The following SNX13 variants were observed in gnomAD, a reference collection of about 807,000 sequenced individuals.
SNX13 encodes the protein sorting nexin-13.
In SNX13, 45 loss-of-function variants were observed where a neutral mutation model predicts 133.6. The observed-to-expected ratio is 0.34, with a 90% CI of 0.27 to 0.43. The LOEUF (loss-of-function observed/expected upper bound fraction) is 0.43, where lower values mean the gene tolerates loss of function less well. Ranked by LOEUF, SNX13 falls within the 20% of genes least tolerant of loss-of-function variation. SNX13 has a pLI of 1.00. For synonymous variants in SNX13, 414 were observed against 373.9 expected (o/e 1.11, Z -1.24); for missense variants, 1,032 against 1,145.1 (o/e 0.90, Z 1.43).
intron 24 of SNX13, among the ~76,000 whole-genome samples, chr7:17,797,214 G>C (rs1295974256): frequency 1.3e-5 from 2 of 151,800 alleles, no homozygotes; most frequent in East Asian, 3.9e-4. Flanking sequence ...AATGGAATAT[G>C]TACATGACTA....
chr7:17,939,770 G>T (rs1298484804), intron 1 of SNX13, among the ~76,000 whole-genome samples: 2 of 152,204 alleles, frequency 1.3e-5, no homozygotes, highest in African/African-American at 4.8e-5. Flanking sequence ...TGCAGCTTGA[G>T]ATAAAAAAGT....
At chr7:17,901,845 T>C (rs757714421) in intron 1 of SNX13, among the ~76,000 whole-genome samples, 2 of 152,236 alleles carry the variant, frequency 1.3e-5, no homozygotes, top group Non-Finnish European at 2.9e-5. Flanking sequence ...GTTGTTCCTG[T>C]GGAGAGGACA....
At chr7:17,904,051 C>T (rs1358917176) in intron 1 of SNX13, among the ~76,000 whole-genome samples, 5 of 151,974 alleles carry the variant, frequency 3.3e-5, no homozygotes, top group African/African-American at 1.2e-4. Context: ...TAAGAAATGG[C>T]AATGCAAAAA....
At chr7:17,905,624 A>C (rs1040129069) in intron 1 of SNX13, among the ~76,000 whole-genome samples, 2 of 152,230 alleles carry the variant, frequency 1.3e-5, no homozygotes, top group African/African-American at 2.4e-5. Flanking sequence ...TTATATGCTA[A>C]AGTTTTGGTA....
At chr7:17,821,768 G>T in intron 17 of SNX13, 120 bp from the exon 18 acceptor site, 1 of 1,144,774 alleles carries the variant, frequency 8.7e-7, no homozygotes, top group Non-Finnish European at 1.2e-6. Context: ...ATGAAATGAA[G>T]AAGAATCTGA....
intron 3 of SNX13, 110 bp from the exon 4 acceptor site, chr7:17,891,745 T>C: frequency 3.1e-6 from 2 of 651,946 alleles, no homozygotes; most frequent in Non-Finnish European, 5.1e-6. Context: ...CTCAAGTAAA[T>C]AAATAACCTT....
intron 1 of SNX13, among the ~76,000 whole-genome samples, chr7:17,907,017 T>C (rs995875543): frequency 6.6e-6 from 1 of 152,178 alleles, no homozygotes; most frequent in Non-Finnish European, 1.5e-5. Flanking sequence ...TTGGTTATGT[T>C]CTTGGGGCGA....
chr7:17,911,314 GCAA>G (rs1231440928), intron 1 of SNX13, among the ~76,000 whole-genome samples: 1 of 152,136 alleles, frequency 6.6e-6, no homozygotes, highest in East Asian at 1.9e-4. Context: ...AACGTTCTCA[GCAA>G]CAGTTTTTCA....
chr7:17,934,694 A>G (rs764091507), intron 1 of SNX13, among the ~76,000 whole-genome samples: 1 of 152,234 alleles, frequency 6.6e-6, no homozygotes, highest in Non-Finnish European at 1.5e-5. Flanking sequence ...CAATTTCAAG[A>G]AAATAACCAT....
intron 1 of SNX13, among the ~76,000 whole-genome samples, chr7:17,915,566 C>G (rs1003392255): frequency 2.0e-5 from 3 of 152,124 alleles, no homozygotes; most frequent in African/African-American, 4.8e-5. Context: ...GTGGAGCAGC[C>G]CAACAGGTGA....
chr7:17,924,199 C>G (rs1287657072), intron 1 of SNX13, among the ~76,000 whole-genome samples: 1 of 152,078 alleles, frequency 6.6e-6, no homozygotes, highest in East Asian at 1.9e-4. Context: ...AAAGCTGTCC[C>G]ATAAATGGGA....
intron 20 of SNX13, among the ~76,000 whole-genome samples, chr7:17,808,075 T>C (rs1785530291): frequency 6.6e-6 from 1 of 152,266 alleles, no homozygotes; most frequent in Non-Finnish European, 1.5e-5. Context: ...AACTCCTTGC[T>C]AGCAAAGGAA....
intron 1 of SNX13, among the ~76,000 whole-genome samples, chr7:17,911,695 A>G (rs569406639): frequency 6.6e-6 from 1 of 152,128 alleles, no homozygotes; most frequent in Admixed American, 6.6e-5. Flanking sequence ...TTACTTAAAA[A>G]TTGATGTAAG....
chr7:17,832,427 C>A (rs542681576), intron 15 of SNX13: 1 of 984,448 alleles, frequency 1.0e-6, no homozygotes, highest in South Asian at 4.7e-5. Flanking sequence ...GAAGCCCACA[C>A]AATTATTTGG....
intron 13 of SNX13, among the ~76,000 whole-genome samples, chr7:17,837,519 G>T (rs1044776157): frequency 6.6e-6 from 1 of 151,940 alleles, no homozygotes; most frequent in African/African-American, 2.4e-5. Context: ...TAAATGTGTA[G>T]AAATTTGATT....
At chr7:17,846,469 C>A (rs1378065501) in intron 11 of SNX13, among the ~76,000 whole-genome samples, 2 of 152,098 alleles carry the variant, frequency 1.3e-5, no homozygotes, top group African/African-American at 4.8e-5. Flanking sequence ...ATGCTGCTGC[C>A]CTTTCCAATA....
At chr7:17,905,348 G>C (rs1254227634) in intron 1 of SNX13, among the ~76,000 whole-genome samples, 1 of 152,196 alleles carries the variant, frequency 6.6e-6, no homozygotes, top group Non-Finnish European at 1.5e-5. Flanking sequence ...GAATGAGGCA[G>C]TTTCTGCCCC....
intron 20 of SNX13, among the ~76,000 whole-genome samples, chr7:17,812,971 T>A (rs1420512435): frequency 6.6e-6 from 1 of 151,692 alleles, no homozygotes; most frequent in Non-Finnish European, 1.5e-5. Flanking sequence ...TGTCAGGGGG[T>A]TGAGGGCTAG....
At chr7:17,928,623 AT>A (rs1421464981) in intron 1 of SNX13, among the ~76,000 whole-genome samples, 1 of 152,096 alleles carries the variant, frequency 6.6e-6, no homozygotes, top group Non-Finnish European at 1.5e-5. Context: ...GATTCAAAAA[AT>A]TCAATTATGA....
Sources: allele counts gnomAD v4.1 joint callset (sites outside exome capture counted in the v4.1 genomes callset), GRCh38; gene constraint gnomAD v4.1.1; transcripts MANE v1.5; gene names NCBI Gene and HGNC (gene_info 2026-07-23, HGNC 2026-07-21).